The following COL4A4 variants were observed in gnomAD, a reference collection of about 807,000 sequenced individuals.
COL4A4 encodes the protein collagen alpha-4(IV) chain.
In COL4A4, 105 loss-of-function variants were observed where a neutral mutation model predicts 192.9. The observed-to-expected ratio is 0.54, with a 90% CI of 0.46 to 0.64. The LOEUF is 0.64. Among genes scored for constraint, COL4A4 ranks in the 30% least tolerant of loss-of-function variants. The probability of loss-of-function intolerance (pLI) is 0.00; values close to 1 mark genes in which losing one functional copy is unlikely to be tolerated. For synonymous variants in COL4A4, 762 were observed against 769.9 expected, an observed-to-expected ratio of 0.99 and a Z score of 0.17; for missense variants, 1,967 against 2,169.3, an observed-to-expected ratio of 0.91 and a Z score of 1.85.
intron 41 of COL4A4, among the ~76,000 whole-genome samples, chr2:227,029,034 A>G (rs898245555): frequency 1.3e-5 from 2 of 152,154 alleles, no homozygotes; most frequent in Non-Finnish European, 2.9e-5. Context: ...TGCCTAAGAG[A>G]TATTTGTCAC....
chr2:227,125,951 C>A (rs1299875166), intron 4 of COL4A4, among the ~76,000 whole-genome samples: 10 of 152,170 alleles, frequency 6.6e-5, no homozygotes, highest in Non-Finnish European at 5.9e-5. Context: ...AGGCAGAGAA[C>A]AACAAACTCT....
chr2:227,017,794 A>T (rs1036506367), intron 44 of COL4A4, among the ~76,000 whole-genome samples: 1 of 152,180 alleles, frequency 6.6e-6, no homozygotes, highest in Non-Finnish European at 1.5e-5. Context: ...AAGATTTTTT[A>T]ATTTTTTTTT....
chr2:227,083,213 A>G (rs1193055719), intron 22 of COL4A4, among the ~76,000 whole-genome samples: 1 of 152,174 alleles, frequency 6.6e-6, no homozygotes, highest in Non-Finnish European at 1.5e-5. Context: ...TGGGTGACAG[A>G]GCAAGACTCT....
intron 24 of COL4A4, among the ~76,000 whole-genome samples, chr2:227,078,557 T>C (rs1054769533): frequency 6.6e-6 from 1 of 152,236 alleles, no homozygotes; most frequent in Non-Finnish European, 1.5e-5. Flanking sequence ...TTACAATTTA[T>C]ATACATACAT....
intron 35 of COL4A4, among the ~76,000 whole-genome samples, chr2:227,045,910 TGTATG>T (rs1359992390): frequency 0.016 from 831 of 53,188 alleles, 61 homozygotes; most frequent in South Asian, 0.025. Context: ...AGTATATATA[TGTATG>T]TATATGTATA....
At chr2:227,086,183 C>T (rs1425568337) in intron 22 of COL4A4, among the ~76,000 whole-genome samples, 1 of 152,160 alleles carries the variant, frequency 6.6e-6, no homozygotes, top group Non-Finnish European at 1.5e-5. Flanking sequence ...AGACTTGGTT[C>T]AATTATACAA....
chr2:226,988,373 C>T, the COL4A4 span: 1 of 1,550,282 alleles, frequency 6.5e-7, no homozygotes, highest in South Asian at 1.2e-5. Context: ...TCTCCTGGAC[C>T]CCAAGATAAA....
At chr2:226,987,435 C>T in the COL4A4 span, among the ~76,000 whole-genome samples, 8 of 152,194 alleles carry the variant, frequency 5.3e-5, no homozygotes, top group African/African-American at 1.9e-4. Context: ...CTTCTGTGCC[C>T]AGCTGCCAAA....
intron 44 of COL4A4, among the ~76,000 whole-genome samples, chr2:227,017,291 G>A (rs771840344): frequency 1.4e-4 from 21 of 152,122 alleles, no homozygotes; most frequent in Non-Finnish European, 2.8e-4. Flanking sequence ...ATTGTCAGGC[G>A]GAAGACATTT....
At chr2:227,120,914 G>A (rs1375059868) in intron 5 of COL4A4, 100 bp downstream of exon 5, 3 of 1,487,960 alleles carry the variant, frequency 2.0e-6, no homozygotes, top group Non-Finnish European at 2.8e-6. Context: ...ATTCTAGCCT[G>A]AGTGACAGAG....
rs1222054154 is a variant in COL4A4 at position 227,094,252 on chromosome 2, A to C, written c.1242T>G (p.Gly414=). Residue 414 remains glycine, a synonymous_variant, in exon 20 of 48, where the codon GGT becomes GGG. Coordinates refer to ENST00000396625, the MANE Select transcript of COL4A4 (RefSeq NM_000092.5). ...IGPPGPQGFP[G]LPGLPGEAGI... is the part of the protein sequence containing the mutation. ...CAGCTTCTCCTGGAAGCCCAGGAAGACCAGGAAATCCTTGTGGCCCAGGGG... is the reference window on the plus strand; with the variant it reads ...CAGCTTCTCCTGGAAGCCCAGGAAGCCCAGGAAATCCTTGTGGCCCAGGGG... The C allele has an allele frequency of 5.0e-6, 8 of 1,613,932 alleles. No homozygotes were observed. The highest frequency in any genetic ancestry group is 6.8e-6 in the Non-Finnish European group (8 of 1,179,950).
Position 227,062,614 on chromosome 2 carries a change from A to G in COL4A4, c.1988-16T>C. The G allele has an allele frequency of 6.2e-7, 1 of 1,600,250 alleles. No homozygotes were observed. The highest frequency in any genetic ancestry group is 8.6e-7 in the Non-Finnish European group (1 of 1,167,430). On this transcript the variant is annotated splice_polypyrimidine_tract_variant and intron_variant, in intron 25 of 47. Transcript: ENST00000396625. ...ATTGTGTCACCTGCAATGAGAAAAGAAAAGCGGCATTCACATAACTGATAG... is the reference window on the plus strand; with the variant it reads ...ATTGTGTCACCTGCAATGAGAAAAGGAAAGCGGCATTCACATAACTGATAG...
At chr2:227,081,741 A>G (rs1437224349) in intron 23 of COL4A4, among the ~76,000 whole-genome samples, 1 of 152,226 alleles carries the variant, frequency 6.6e-6, no homozygotes, top group Non-Finnish European at 1.5e-5. Flanking sequence ...TTAGGTCAAT[A>G]AATTACTTAA....
At chr2:226,985,631 A>C in the COL4A4 span, among the ~76,000 whole-genome samples, 1 of 152,254 alleles carries the variant, frequency 6.6e-6, no homozygotes, top group Admixed American at 6.5e-5. Flanking sequence ...CATCGGAGTC[A>C]CCCGGGAGCT....
the COL4A4 span, among the ~76,000 whole-genome samples, chr2:226,993,894 G>A: frequency 1.3e-5 from 2 of 152,146 alleles, no homozygotes; most frequent in East Asian, 1.9e-4. Flanking sequence ...ATGCATAGAT[G>A]GACACATCTT....
chr2:227,115,459 A>G lies in COL4A4; in HGVS notation c.490-763T>C, dbSNP rs550903771. Among the ~76,000 whole-genome samples the G allele has an allele frequency of 1.5e-4, 23 of 151,950 alleles. No individual in the cohort carries two copies. The South Asian group carries it at 4.8e-3, about 32-fold the overall frequency. On this transcript the variant is annotated intron_variant, in intron 7 of 47. Transcript: ENST00000396625. The stretch of plus-strand genomic sequence containing the variant: ...CTAATTTTTTTGTATTTTTTAGTAG[A>G]GACGGGGTTTCACCATGTTAGCCAG...
intron 8 of COL4A4, 140 bp downstream of exon 8, chr2:227,114,488 C>A: frequency 1.3e-6 from 1 of 763,318 alleles, no homozygotes; most frequent in Non-Finnish European, 2.4e-6. Flanking sequence ...AGCATGATGC[C>A]ATCCCTGAGG....
rs541634795 is a variant in COL4A4 at position 227,061,188 on chromosome 2, T to A, written c.2057-945A>T. ...TGCTGAAAGAAATCAAACTTTTTTTTATCCACCCATGACCAGTAAAAGTAA... is the reference window on the plus strand; with the variant it reads ...TGCTGAAAGAAATCAAACTTTTTTTAATCCACCCATGACCAGTAAAAGTAA... On this transcript the variant is annotated intron_variant, in intron 26 of 47. Coordinates refer to ENST00000396625, the MANE Select transcript of COL4A4 (RefSeq NM_000092.5). Among the ~76,000 whole-genome samples, 5 of 152,374 alleles carry A rather than the reference T, an allele frequency of 3.3e-5. No homozygotes were observed. In the South Asian group the frequency reaches 1.0e-3, roughly 32 times the overall value.
intron 26 of COL4A4, among the ~76,000 whole-genome samples, chr2:227,061,380 G>T (rs1042066280): frequency 1.1e-4 from 16 of 152,190 alleles, no homozygotes; most frequent in Admixed American, 2.0e-4. Flanking sequence ...GAATGCCCAT[G>T]ATCCAATCAG....
Sources: gnomAD v4.1 joint callset for allele counts (sites outside exome capture counted in the v4.1 genomes callset) on GRCh38, gnomAD v4.1.1 for gene constraint, MANE v1.5 for transcripts, NCBI Gene and HGNC (gene_info 2026-07-23, HGNC 2026-07-21) for gene names.